The following AFF2 variants were observed in gnomAD, a reference collection of about 807,000 sequenced individuals.
AFF2 encodes ALF transcription elongation factor 2, also known as AF4/FMR2 family member 2.
AFF2 carries 14 observed loss-of-function variants against 76.9 expected under a neutral mutation model. The ratio of observed to expected loss-of-function variants is 0.18; its 90% CI spans 0.12 to 0.28. The LOEUF (loss-of-function observed/expected upper bound fraction) is 0.28, where lower values mean the gene tolerates loss of function less well. Among genes scored for constraint, AFF2 ranks in the 10% least tolerant of loss-of-function variants. The pLI, the probability that AFF2 is intolerant of heterozygous loss-of-function variation, is 1.00. For synonymous variants in AFF2, 398 were observed against 366.7 expected (o/e 1.09, Z -0.98); for missense variants, 868 against 1,001.1 (o/e 0.87, Z 1.79).
intron 7 of AFF2, among the ~76,000 whole-genome samples, chrX:148,863,159 A>C (rs2070869427): frequency 8.9e-6 from 1 of 112,301 alleles, no homozygotes; most frequent in Admixed American, 9.5e-5. Flanking sequence ...ATTTTACTTT[A>C]GAGTTTCTCA....
At chrX:148,654,440 G>A (rs1557256769) in intron 2 of AFF2, among the ~76,000 whole-genome samples, 1 of 111,256 alleles carries the variant, frequency 9.0e-6, no homozygotes, top group African/African-American at 3.3e-5. Context: ...TTGAAGAAAT[G>A]TTTTGCATGG....
chrX:148,853,446 A>G (rs1258078044), intron 7 of AFF2, among the ~76,000 whole-genome samples: 1 of 111,283 alleles, frequency 9.0e-6, no homozygotes, highest in Non-Finnish European at 1.9e-5. Flanking sequence ...TTGTTTCTTC[A>G]TATAATAAAA....
At chrX:148,931,325 T>A (rs2124295376) in intron 9 of AFF2, among the ~76,000 whole-genome samples, 1 of 110,368 alleles carries the variant, frequency 9.1e-6, no homozygotes, top group East Asian at 2.8e-4. Flanking sequence ...AACACTGAGT[T>A]ATTTCATAGT....
intron 16 of AFF2, among the ~76,000 whole-genome samples, chrX:148,975,824 G>A (rs1424619460): frequency 1.0e-5 from 1 of 97,070 alleles, no homozygotes; most frequent in Non-Finnish European, 2.1e-5. Context: ...GGCGCCTGTA[G>A]TCCCAGCTAC....
chrX:148,690,168 C>G (rs2054636980), intron 3 of AFF2, among the ~76,000 whole-genome samples: 1 of 111,987 alleles, frequency 8.9e-6, no homozygotes, highest in Non-Finnish European at 1.9e-5. Context: ...AATCATAGAT[C>G]TTACAGAGAA....
At chrX:148,636,651 G>A (rs782481400) in intron 1 of AFF2, among the ~76,000 whole-genome samples, 3 of 112,190 alleles carry the variant, frequency 2.7e-5, no homozygotes, top group Non-Finnish European at 3.8e-5. Context: ...AAAAGGCAGA[G>A]TTTAATTTTG....
chrX:148,859,615 A>T (rs2070824386), intron 7 of AFF2, among the ~76,000 whole-genome samples: 3 of 111,257 alleles, frequency 2.7e-5, no homozygotes, highest in African/African-American at 9.7e-5. Context: ...AGTTTGTATG[A>T]ATAAAAATTA....
intron 1 of AFF2, among the ~76,000 whole-genome samples, chrX:148,575,657 G>GC (rs1424899899): frequency 4.5e-5 from 5 of 110,082 alleles, no homozygotes; most frequent in African/African-American, 1.6e-4. Context: ...AATTAATGAA[G>GC]CCCAGTACTG....
Position 148,504,417 on chromosome X carries a change from G to C in AFF2, c.47+3273G>C, listed in dbSNP as rs931986202. 1.2e-4 allele frequency among the ~76,000 whole-genome samples: 13 copies of C among 112,442 alleles called. No homozygotes were observed. The East Asian group carries it at 3.6e-3, about 31-fold the overall frequency. Reference sequence around the variant, plus strand: ...AACGTTCAAAAGCCTAGTTAAAATCGTAGTTAAGTGACTGTGACAGTGGCT... The same window carrying C: ...AACGTTCAAAAGCCTAGTTAAAATCCTAGTTAAGTGACTGTGACAGTGGCT... On this transcript the variant is annotated intron_variant, in intron 1 of 20. Coordinates refer to ENST00000370460, the MANE Select transcript of AFF2 (RefSeq NM_002025.4).
intron 2 of AFF2, among the ~76,000 whole-genome samples, chrX:148,658,236 T>A (rs1359270361): frequency 2.7e-5 from 3 of 112,202 alleles, no homozygotes; most frequent in Non-Finnish European, 5.6e-5. Context: ...CAATAATTCC[T>A]ACTTGTAGCC....
At chrX:148,797,978 T>G (rs781930906) in intron 3 of AFF2, among the ~76,000 whole-genome samples, 3 of 112,525 alleles carry the variant, frequency 2.7e-5, no homozygotes, top group Non-Finnish European at 3.7e-5. Flanking sequence ...TGTCTTAGTC[T>G]GTCTTGTGCT....
intron 3 of AFF2, among the ~76,000 whole-genome samples, chrX:148,731,938 G>C (rs782271905): frequency 0.01 from 559 of 55,858 alleles, 3 homozygotes; most frequent in Non-Finnish European, 0.013. Context: ...GTGCTGGAGA[G>C]GATGTGGAGA....
intron 1 of AFF2, among the ~76,000 whole-genome samples, chrX:148,580,669 A>G (rs1225915331): frequency 9.0e-6 from 1 of 110,699 alleles, no homozygotes; most frequent in Non-Finnish European, 1.9e-5. Context: ...TTTAAAGAAA[A>G]TTATTTGAAG....
intron 3 of AFF2, among the ~76,000 whole-genome samples, chrX:148,707,962 T>A (rs1165813538): frequency 8.9e-6 from 1 of 111,813 alleles, no homozygotes; most frequent in Non-Finnish European, 1.9e-5. Context: ...TGCAAATGAT[T>A]CATCACAAAT....
At chrX:148,713,816 T>C (rs1168881971) in intron 3 of AFF2, among the ~76,000 whole-genome samples, 1 of 111,685 alleles carries the variant, frequency 9.0e-6, no homozygotes, top group African/African-American at 3.2e-5. Context: ...AGGGGACATT[T>C]GCAGTCTTAA....
intron 3 of AFF2, among the ~76,000 whole-genome samples, chrX:148,791,416 C>T (rs1378836371): frequency 9.0e-6 from 1 of 111,654 alleles, no homozygotes; most frequent in Non-Finnish European, 1.9e-5. Context: ...GACCTGTCCC[C>T]CATGATTAAA....
chrX:148,512,013 A>G (rs1242634692), intron 1 of AFF2, among the ~76,000 whole-genome samples: 6 of 112,061 alleles, frequency 5.4e-5, no homozygotes, highest in African/African-American at 1.9e-4. Context: ...TGGGAGTGAA[A>G]CACCCAGCCA....
At chrX:148,673,459 T>C (rs1048894321) in intron 3 of AFF2, among the ~76,000 whole-genome samples, 3 of 111,647 alleles carry the variant, frequency 2.7e-5, no homozygotes, top group Non-Finnish European at 3.8e-5. Flanking sequence ...CTTCACATGG[T>C]CTTCTTCTAG....
intron 7 of AFF2, among the ~76,000 whole-genome samples, chrX:148,845,264 T>C (rs781930844): frequency 2.7e-5 from 3 of 112,204 alleles, no homozygotes; most frequent in Non-Finnish European, 5.6e-5. Flanking sequence ...GCTCCCACTG[T>C]GAAATATGCT....
Sources: gnomAD v4.1 joint callset for allele counts (sites outside exome capture counted in the v4.1 genomes callset) on GRCh38, gnomAD v4.1.1 for gene constraint, MANE v1.5 for transcripts, NCBI Gene and HGNC (gene_info 2026-07-23, HGNC 2026-07-21) for gene names.